The following PPM1E variants were observed in gnomAD, a reference collection of about 807,000 sequenced individuals.
PPM1E encodes protein phosphatase, Mg2+/Mn2+ dependent 1E.
In PPM1E, 20 loss-of-function variants were observed where a neutral mutation model predicts 65.9. The ratio of observed to expected loss-of-function variants is 0.30; its 90% CI spans 0.21 to 0.44. The LOEUF (loss-of-function observed/expected upper bound fraction) is 0.44. Among genes scored for constraint, PPM1E ranks in the 20% least tolerant of loss-of-function variants. The pLI is 1.00. For missense variants in PPM1E, 713 were observed against 953.1 expected (o/e 0.75, Z 3.32); for synonymous variants, 352 against 374.9 (o/e 0.94, Z 0.70).
At chr17:58,872,525 C>T (rs762942697) in intron 1 of PPM1E, among the ~76,000 whole-genome samples, 8 of 152,070 alleles carry the variant, frequency 5.3e-5, no homozygotes, top group Non-Finnish European at 1.0e-4. Flanking sequence ...AAAATGTCAA[C>T]CTTAAATAAT....
chr17:58,902,668 A>C (rs2051511762), intron 1 of PPM1E, among the ~76,000 whole-genome samples: 1 of 152,182 alleles, frequency 6.6e-6, no homozygotes, highest in Non-Finnish European at 1.5e-5. Context: ...ACTTTCTATG[A>C]TGATGAACTT....
In PPM1E at chr17:58,930,506, T is replaced by C. The variant is rs573298371; in HGVS notation, c.465-25143T>C. Among the ~76,000 whole-genome samples, 10 of 152,180 alleles carry C rather than the reference T, an allele frequency of 6.6e-5. No homozygotes were observed. The East Asian group carries it at 1.9e-3, about 29-fold the overall frequency. ...ACTGAATAATAAAAAACAGATCTGA[T>C]GAAAGTTGTAATAAAATACATTGCC... is the stretch of plus-strand genomic sequence containing the variant. On this transcript the variant is annotated intron_variant, in intron 1 of 6. Transcript: ENST00000308249.
At chr17:58,834,383 G>A (rs2050633938) in intron 1 of PPM1E, among the ~76,000 whole-genome samples, 1 of 152,026 alleles carries the variant, frequency 6.6e-6, no homozygotes, top group Non-Finnish European at 1.5e-5. Flanking sequence ...TTTCACAGAG[G>A]AAAAGTTTTA....
chr17:58,856,116 A>G (rs2050879129), intron 1 of PPM1E, among the ~76,000 whole-genome samples: 1 of 152,214 alleles, frequency 6.6e-6, no homozygotes, highest in Admixed American at 6.5e-5. Context: ...CAGCTATTGC[A>G]TTATCTAAAA....
chr17:58,921,825 G>C (rs569106263), intron 1 of PPM1E, among the ~76,000 whole-genome samples: 49 of 152,112 alleles, frequency 3.2e-4, no homozygotes, highest in Admixed American at 9.2e-4. Context: ...TGGATTGTCT[G>C]AGGTCAGGAG....
chr17:58,899,562 C>A, intron 1 of PPM1E: 1 of 224,084 alleles, frequency 4.5e-6, no homozygotes, highest in South Asian at 7.4e-5. Context: ...AATGGGTAGG[C>A]TTCTGTAAAA....
At chr17:58,924,382 C>T (rs1039768825) in intron 1 of PPM1E, among the ~76,000 whole-genome samples, 8 of 151,950 alleles carry the variant, frequency 5.3e-5, no homozygotes, top group Non-Finnish European at 8.8e-5. Flanking sequence ...AGTGCTGTGG[C>T]TCTACAGAAA....
Position 58,980,587 on chromosome 17 carries a change from G to A in PPM1E, c.1824G>A (p.Met608Ile), listed in dbSNP as rs1292129241. 13 of 1,614,052 alleles carry A rather than the reference G, an allele frequency of 8.1e-6. No individual in the cohort carries two copies. Among genetic ancestry groups the A allele is most frequent in the Non-Finnish European group, 1.1e-5 (13 of 1,180,016 alleles). ...CAAATCTTATTAATGAGTTAATGATGGAGAAAAAATCAGTTCAGTCATCAT... is the reference window on the plus strand; with the variant it reads ...CAAATCTTATTAATGAGTTAATGATAGAGAAAAAATCAGTTCAGTCATCAT... ...KKANLINELM[M>I]EKKSVQSSLP... Residue 608 changes from methionine to isoleucine, a missense_variant, in exon 7 of 7, where the codon ATG becomes ATA. Met to Ile is a conservative substitution (Grantham distance 10). Coordinates refer to ENST00000308249, the MANE Select transcript of PPM1E (RefSeq NM_014906.5). This position sits in a 1 kb window ranked among gnomAD's most constrained non-coding sequence, Gnocchi z 4.7.
chr17:58,828,526 G>A (rs368599037), intron 1 of PPM1E, among the ~76,000 whole-genome samples: 7 of 151,986 alleles, frequency 4.6e-5, no homozygotes, highest in South Asian at 2.1e-4. Flanking sequence ...GTGCAATGCC[G>A]CGATCTCGCC....
chr17:58,806,490 G>A (rs909681501), intron 1 of PPM1E, among the ~76,000 whole-genome samples: 7 of 151,278 alleles, frequency 4.6e-5, no homozygotes, highest in South Asian at 4.2e-4. Context: ...TCTGCTCTTC[G>A]TCTATGTGCT....
At chr17:58,883,871 T>C (rs1332565741) in intron 1 of PPM1E, among the ~76,000 whole-genome samples, 3 of 152,162 alleles carry the variant, frequency 2.0e-5, no homozygotes, top group African/African-American at 7.2e-5. Flanking sequence ...ATTTTCAGTT[T>C]TACTGTAGGA....
At chr17:58,772,666 T>C (rs975945499) in intron 1 of PPM1E, among the ~76,000 whole-genome samples, 1 of 152,140 alleles carries the variant, frequency 6.6e-6, no homozygotes, top group Non-Finnish European at 1.5e-5. Context: ...ATAGCACATT[T>C]GGTACTTGTC....
In PPM1E at chr17:58,981,174, G is replaced by A. The variant is rs1430239389; in HGVS notation, c.*143G>A. 2 of 642,484 alleles carry A rather than the reference G, an allele frequency of 3.1e-6. No individual in the cohort carries two copies. The highest frequency in any genetic ancestry group is 3.7e-5 in the African/African-American group (2 of 54,206). 39.8% of individuals were successfully genotyped at this position (642,484 alleles called of 1,614,324 possible). Reference sequence around the variant, plus strand: ...ATTCTTAAATGTAAATAGATCTCTAGGAAACTCAAAGTACAGTGTTTTCAA... The same window carrying A: ...ATTCTTAAATGTAAATAGATCTCTAAGAAACTCAAAGTACAGTGTTTTCAA... On this transcript the variant is annotated 3_prime_UTR_variant, in exon 7 of 7. Coordinates refer to ENST00000308249, the MANE Select transcript of PPM1E (RefSeq NM_014906.5).
At chr17:58,837,367 T>G (rs922705910) in intron 1 of PPM1E, among the ~76,000 whole-genome samples, 1 of 131,366 alleles carries the variant, frequency 7.6e-6, no homozygotes, top group Non-Finnish European at 1.7e-5. Flanking sequence ...ACACTAAATC[T>G]CTCATTATCC....
intron 2 of PPM1E, among the ~76,000 whole-genome samples, chr17:58,965,338 G>A (rs2143673107): frequency 6.6e-6 from 1 of 152,166 alleles, no homozygotes; most frequent in South Asian, 2.1e-4. Context: ...GGCTCTCCTG[G>A]TGATAACCAT....
chr17:58,965,371 G>A (rs1567891182), intron 2 of PPM1E, among the ~76,000 whole-genome samples: 1 of 152,026 alleles, frequency 6.6e-6, no homozygotes, highest in Non-Finnish European at 1.5e-5. Flanking sequence ...AAAAGAAACC[G>A]GTGCTGGGAA....
chr17:58,850,107 C>G lies in PPM1E; in HGVS notation c.464+93646C>G, dbSNP rs142192742. Reference sequence around the variant, plus strand: ...TCAGAGACTAGGATTGCAACCCCTGCTTTTTTTTTTCCATTTGCTTGGTAG... The same window carrying G: ...TCAGAGACTAGGATTGCAACCCCTGGTTTTTTTTTTCCATTTGCTTGGTAG... On this transcript the variant is annotated intron_variant, in intron 1 of 6. Transcript: ENST00000308249. Among the ~76,000 whole-genome samples the G allele has an allele frequency of 1.5e-3, 225 of 148,832 alleles. 2 individuals carry two copies. The highest frequency in any genetic ancestry group is 5.4e-3 in the African/African-American group (218 of 40,718).
chr17:58,933,378 G>A (rs536458100), intron 1 of PPM1E, among the ~76,000 whole-genome samples: 19 of 152,166 alleles, frequency 1.2e-4, no homozygotes, highest in Non-Finnish European at 2.6e-4. Flanking sequence ...AAATGATACT[G>A]TTAATATTGA....
rs74949200 is a variant in PPM1E, at chr17:58,757,565, G to C, written c.464+1104G>C. On this transcript the variant is annotated intron_variant, in intron 1 of 6. Transcript: ENST00000308249. The stretch of plus-strand genomic sequence containing the variant: ...CCACCCAAAAAGTTTACTACTGCAA[G>C]ATTCGCTGTAATTAAGTTCAAACTC... Among the ~76,000 whole-genome samples the C allele has an allele frequency of 3.3e-3, 501 of 152,290 alleles. 3 individuals are homozygous for C. Among genetic ancestry groups the C allele is most frequent in the African/African-American group, 0.011 (466 of 41,556 alleles).
Sources: gnomAD v4.1 joint callset for allele counts (sites outside exome capture counted in the v4.1 genomes callset) on GRCh38, gnomAD v4.1.1 for gene constraint, Gnocchi (gnomAD v3.1) non-coding constraint, MANE v1.5 for transcripts, NCBI Gene and HGNC (gene_info 2026-07-23, HGNC 2026-07-21) for gene names.